CMYA5: variants seen among roughly 807,000 people sequenced by gnomAD.
CMYA5 encodes the protein cardiomyopathy associated 5.
In CMYA5, 246 loss-of-function variants were observed where a neutral mutation model predicts 318.9. The ratio of observed to expected loss-of-function variants is 0.77; its 90% CI spans 0.70 to 0.86. CMYA5 has a LOEUF of 0.86. Among genes scored for constraint, CMYA5 ranks in the 40% least tolerant of loss-of-function variants. CMYA5 has a pLI of 0.00. For missense variants in CMYA5, 4,589 were observed against 4,678.2 expected, an observed-to-expected ratio of 0.98 and a Z score of 0.56; for synonymous variants, 1,641 against 1,729.5, an observed-to-expected ratio of 0.95 and a Z score of 1.27.
At chr5:79,706,866 C>T (rs1472322437) in intron 1 of CMYA5, among the ~76,000 whole-genome samples, 2 of 151,972 alleles carry the variant, frequency 1.3e-5, no homozygotes, top group African/African-American at 2.4e-5. Flanking sequence ...TTCAGGGGGT[C>T]TCCCTACACT....
At chr5:79,794,100 G>A (rs1323994774) in intron 12 of CMYA5, among the ~76,000 whole-genome samples, 4 of 152,188 alleles carry the variant, frequency 2.6e-5, no homozygotes, top group African/African-American at 4.8e-5. Flanking sequence ...CAGGAGTGAG[G>A]AAGAAGTGGA....
chr5:79,707,008 T>C (rs1446684077), intron 1 of CMYA5, among the ~76,000 whole-genome samples: 1 of 152,214 alleles, frequency 6.6e-6, no homozygotes, highest in Non-Finnish European at 1.5e-5. Flanking sequence ...GTTTTTTTGC[T>C]TCGTTTTAAT....
rs762424995 is a variant in CMYA5, at chr5:79,738,264, C to T, written c.9499C>T (p.Arg3167Ter). ...TGAAGCAGAGGAAGGAGTTCTATCA[C>T]GAACCCAGATATTTCCTACCACTAT... ...LFEAEEGVLS[R>*]TQIFPTTIKV... The change falls in exon 2 of 13, where the codon CGA (arginine) becomes TGA (stop). Residue 3167 changes from arginine (R) to a stop codon, truncating the protein, a stop_gained. Transcript: ENST00000446378. LOFTEE classifies it high-confidence loss of function. 2.4e-5 allele frequency: 39 copies of T among 1,613,438 alleles called. No individual in the cohort carries two copies. Among genetic ancestry groups the T allele is most frequent in the East Asian group, 2.0e-4 (9 of 44,888 alleles).
intron 1 of CMYA5, among the ~76,000 whole-genome samples, chr5:79,711,837 A>G (rs1827396760): frequency 6.6e-6 from 1 of 152,206 alleles, no homozygotes; most frequent in Admixed American, 6.5e-5. Flanking sequence ...GGCAGCATTA[A>G]TTGTGGGCCT....
At chr5:79,778,673 T>A (rs1439536628) in intron 9 of CMYA5, among the ~76,000 whole-genome samples, 6 of 151,772 alleles carry the variant, frequency 4.0e-5, no homozygotes, top group East Asian at 1.9e-4. Flanking sequence ...GAGATAAGTT[T>A]CAAATCTTTA....
intron 11 of CMYA5, among the ~76,000 whole-genome samples, chr5:79,792,121 G>A (rs1283875960): frequency 6.6e-6 from 1 of 152,190 alleles, no homozygotes; most frequent in Non-Finnish European, 1.5e-5. Context: ...CCTGCTCCTA[G>A]TTCTGGCCAA....
At chr5:79,758,076 A>G (rs1262404221) in intron 6 of CMYA5, among the ~76,000 whole-genome samples, 4 of 152,090 alleles carry the variant, frequency 2.6e-5, no homozygotes, top group Non-Finnish European at 4.4e-5. Flanking sequence ...CTAAAAATAC[A>G]AAAATTAGCC....
At chr5:79,764,233 T>C (rs572448056) in intron 9 of CMYA5, among the ~76,000 whole-genome samples, 1 of 152,104 alleles carries the variant, frequency 6.6e-6, no homozygotes, top group East Asian at 1.9e-4. Context: ...CTCCCACTTA[T>C]GAGTGAGAAC....
chr5:79,694,027 A>G (rs1241676039), intron 1 of CMYA5, among the ~76,000 whole-genome samples: 1 of 152,164 alleles, frequency 6.6e-6, no homozygotes, highest in Non-Finnish European at 1.5e-5. Flanking sequence ...GCACTGAGGG[A>G]GGGATATGTG....
intron 5 of CMYA5, among the ~76,000 whole-genome samples, chr5:79,750,482 CAG>C (rs1357522998): frequency 3.3e-5 from 5 of 152,178 alleles, no homozygotes; most frequent in African/African-American, 1.2e-4. Flanking sequence ...TTCAGTTGTA[CAG>C]AGAGTCAGTG....
At chr5:79,725,798 C>A (rs1405874892) in intron 1 of CMYA5, among the ~76,000 whole-genome samples, 2 of 152,038 alleles carry the variant, frequency 1.3e-5, no homozygotes, top group Non-Finnish European at 2.9e-5. Flanking sequence ...CAGCTACTTC[C>A]GAGGCTGAGG....
rs1829127598 is a variant in CMYA5, at chr5:79,789,005, G to C, written c.11590G>C (p.Val3864Leu). The change falls in exon 10 of 13, where the codon GTT becomes CTT. Residue 3864 changes from valine to leucine, a missense_variant. Around this residue, in one of 3 missense-constraint regions of CMYA5, gnomAD observed 2,431 missense variants for 2,495.1 expected, o/e 0.97. Transcript: ENST00000446378. ...TGGAATCAAAGGACTCCAGCTGAAA[G>C]TTAACCTCCAACCCAATGATAACTA... ...FSGIKGLQLK[V>L]NLQPNDNYFF... The C allele has an allele frequency of 1.2e-6, 2 of 1,613,906 alleles. No homozygotes were observed. The highest frequency in any genetic ancestry group is 1.7e-6 in the Non-Finnish European group (2 of 1,179,822).
chr5:79,702,509 CAT>C (rs1277527543), intron 1 of CMYA5, among the ~76,000 whole-genome samples: 2 of 152,042 alleles, frequency 1.3e-5, no homozygotes, highest in African/African-American at 2.4e-5. Flanking sequence ...CAAAGGAAAA[CAT>C]ATTGTATGGT....
At chr5:79,742,125 C>T (rs1027123679) in intron 2 of CMYA5, among the ~76,000 whole-genome samples, 13 of 145,580 alleles carry the variant, frequency 8.9e-5, no homozygotes, top group South Asian at 2.3e-4. Flanking sequence ...TCTTCTTCTT[C>T]CTCCTCCTCC....
chr5:79,795,636 A>G (rs1198561976), intron 12 of CMYA5, among the ~76,000 whole-genome samples: 5 of 152,146 alleles, frequency 3.3e-5, no homozygotes, highest in Non-Finnish European at 7.3e-5. Flanking sequence ...ATCTACAAAC[A>G]TCTACAGTGG....
At position 79,706,023 on chromosome 5, in the gene CMYA5, C is replaced by G. The variant is rs946755999; in HGVS notation, c.149+15967C>G. Among the ~76,000 whole-genome samples, 5 of 152,318 alleles carry G rather than the reference C, an allele frequency of 3.3e-5. No homozygotes were observed. In the East Asian group the frequency reaches 9.6e-4, roughly 29 times the overall value. On this transcript the variant is annotated intron_variant, in intron 1 of 12. Transcript: ENST00000446378. ...AACTATTGCAGGATCTGGCCAGCAG[C>G]CCGCAATGCAACAGGGCTCTTTCTT...
intron 2 of CMYA5, among the ~76,000 whole-genome samples, chr5:79,742,314 C>A (rs1828232797): frequency 6.6e-6 from 1 of 151,818 alleles, no homozygotes; most frequent in South Asian, 2.1e-4. Context: ...AGCCTCCTGA[C>A]TAGCTGGGAC....
chr5:79,774,654 G>T (rs562934100), intron 9 of CMYA5, among the ~76,000 whole-genome samples: 1 of 152,150 alleles, frequency 6.6e-6, no homozygotes, highest in Non-Finnish European at 1.5e-5. Context: ...AGACACTCCC[G>T]GGGCCATCCT....
chr5:79,713,292 A>AC (rs1443581485), intron 1 of CMYA5, among the ~76,000 whole-genome samples: 2 of 56,930 alleles, frequency 3.5e-5, no homozygotes, highest in Non-Finnish European at 7.0e-5. Context: ...ACCCCGCTGC[A>AC]CCCCGCCCCC....
Sources: gnomAD v4.1 joint callset for allele counts (sites outside exome capture counted in the v4.1 genomes callset) on GRCh38, gnomAD v4.1.1 for gene constraint, gnomAD v4.1.1 regional missense constraint, MANE v1.5 for transcripts, NCBI Gene and HGNC (gene_info 2026-07-23, HGNC 2026-07-21) for gene names.